GPHN: variants seen among roughly 807,000 people sequenced by gnomAD.
GPHN encodes gephyrin.
Under a neutral mutation model 95.5 loss-of-function variants are expected in GPHN, and 17 were observed. The observed-to-expected ratio is 0.18, with a 90% CI of 0.12 to 0.27. The LOEUF (loss-of-function observed/expected upper bound fraction) is 0.27, where lower values mean the gene tolerates loss of function less well. Among genes scored for constraint, GPHN ranks in the 10% least tolerant of loss-of-function variants. The pLI is 1.00. For missense variants in GPHN, 660 were observed against 978.1 expected, an observed-to-expected ratio of 0.67 and a Z score of 4.34; for synonymous variants, 320 against 322.5, an observed-to-expected ratio of 0.99 and a Z score of 0.08.
At chr14:67,361,640 C>T in the GPHN span, among the ~76,000 whole-genome samples, 27 of 152,310 alleles carry the variant, frequency 1.8e-4, 1 homozygote, top group Middle Eastern at 3.4e-3. Flanking sequence ...AGAAGTCCTA[C>T]CTACCATTTG....
downstream of GPHN, among the ~76,000 whole-genome samples, chr14:67,186,544 C>T (rs150400440): frequency 1.3e-5 from 2 of 152,296 alleles, no homozygotes; most frequent in Non-Finnish European, 2.9e-5. Flanking sequence ...TTAGGGGAAT[C>T]ACAGCTTAGA....
At chr14:66,677,367 A>G (rs920902876) in intron 1 of GPHN, among the ~76,000 whole-genome samples, 1 of 151,918 alleles carries the variant, frequency 6.6e-6, no homozygotes, top group African/African-American at 2.4e-5. Flanking sequence ...ATTAAGTGAA[A>G]TTGTTCAAAT....
At chr14:67,080,415 G>A (rs752745219) in intron 11 of GPHN, among the ~76,000 whole-genome samples, 1 of 151,842 alleles carries the variant, frequency 6.6e-6, no homozygotes, top group Non-Finnish European at 1.5e-5. Flanking sequence ...TCTGTTAGAT[G>A]TAGTCCCATT....
the GPHN span, chr14:67,360,296 G>A: frequency 2.5e-6 from 1 of 398,722 alleles, no homozygotes; most frequent in Non-Finnish European, 4.4e-6. Flanking sequence ...GCCTCTATTC[G>A]TTCAGCGCTT....
the GPHN span, chr14:67,382,667 T>G: frequency 6.5e-7 from 1 of 1,536,304 alleles, no homozygotes. Flanking sequence ...ATAAGAGCTG[T>G]CGGCCTTGGA....
chr14:66,615,180 A>G (rs1173910713), intron 1 of GPHN, among the ~76,000 whole-genome samples: 1 of 152,170 alleles, frequency 6.6e-6, no homozygotes, highest in East Asian at 1.9e-4. Flanking sequence ...ATACCTGTGC[A>G]TGTGTCTTTA....
chr14:67,291,068 CA>C, the GPHN span, among the ~76,000 whole-genome samples: 2 of 151,994 alleles, frequency 1.3e-5, no homozygotes, highest in African/African-American at 2.4e-5. Flanking sequence ...ACAGGAAAAG[CA>C]GGGGGGTCGG....
chr14:67,537,538 G>T, the GPHN span, among the ~76,000 whole-genome samples: 31 of 148,550 alleles, frequency 2.1e-4, no homozygotes, highest in Non-Finnish European at 3.7e-4. Context: ...AGTGGTGCAC[G>T]CCTGTAGTCC....
the GPHN span, among the ~76,000 whole-genome samples, chr14:67,282,137 G>A: frequency 6.6e-6 from 1 of 152,110 alleles, no homozygotes; most frequent in Non-Finnish European, 1.5e-5. Flanking sequence ...GTTTGCTATT[G>A]TCAGTCATAG....
the GPHN span, among the ~76,000 whole-genome samples, chr14:67,329,835 AAAATAAATAAATAAAT>A: frequency 3.7e-4 from 36 of 96,944 alleles, no homozygotes; most frequent in Admixed American, 1.8e-3. Flanking sequence ...CTTGGTCTCA[AAAATAAATAAATAAAT>A]AAATAAATAA....
chr14:67,465,553 G>T, the GPHN span, among the ~76,000 whole-genome samples: 3 of 152,194 alleles, frequency 2.0e-5, no homozygotes, highest in Admixed American at 2.0e-4. Flanking sequence ...TATATCTTGG[G>T]ATGCCTAAAT....
At chr14:67,415,278 T>C in the GPHN span, among the ~76,000 whole-genome samples, 68 of 152,294 alleles carry the variant, frequency 4.5e-4, no homozygotes, top group Non-Finnish European at 9.3e-4. Flanking sequence ...TTTTTTTAAC[T>C]TATAATAGCT....
intron 3 of GPHN, among the ~76,000 whole-genome samples, chr14:66,805,398 A>G (rs1035193968): frequency 2.0e-5 from 3 of 152,160 alleles, no homozygotes; most frequent in African/African-American, 4.8e-5. Context: ...CCCAAATCTC[A>G]TACCCTCACA....
chr14:67,279,421 C>A, the GPHN span: 4 of 1,613,904 alleles, frequency 2.5e-6, no homozygotes, highest in Admixed American at 6.7e-5. Flanking sequence ...CTTAATTCTT[C>A]CATGAGACTT....
At chr14:67,643,908 A>G in the GPHN span, among the ~76,000 whole-genome samples, 1 of 143,196 alleles carries the variant, frequency 7.0e-6, no homozygotes, top group Non-Finnish European at 1.5e-5. Flanking sequence ...AAACGGTCAC[A>G]CCCAGGTTCC....
intron 4 of GPHN, among the ~76,000 whole-genome samples, chr14:66,845,275 TA>T (rs1283402734): frequency 3.3e-5 from 5 of 152,152 alleles, no homozygotes; most frequent in Non-Finnish European, 7.4e-5. Context: ...GAAATTAAAT[TA>T]ATAGCAAAGA....
At chr14:67,359,777 TC>T in the GPHN span, 1 of 1,543,442 alleles carries the variant, frequency 6.5e-7, no homozygotes, top group Non-Finnish European at 8.9e-7. Flanking sequence ...CTCCACAGTG[TC>T]TTCCTCTACG....
chr14:66,816,862 G>C (rs1407838699), intron 3 of GPHN, among the ~76,000 whole-genome samples: 4 of 152,024 alleles, frequency 2.6e-5, no homozygotes, highest in African/African-American at 9.7e-5. Context: ...ATGAGTATAA[G>C]GCTCCAGATA....
chr14:66,713,961 G>T (rs1338269564), intron 2 of GPHN, among the ~76,000 whole-genome samples: 2 of 152,052 alleles, frequency 1.3e-5, no homozygotes, highest in East Asian at 3.9e-4. Context: ...TAGAGACAGG[G>T]TTTCACCATG....
Sources: gnomAD v4.1 joint callset for allele counts (sites outside exome capture counted in the v4.1 genomes callset) on GRCh38, gnomAD v4.1.1 for gene constraint, MANE v1.5 for transcripts, NCBI Gene and HGNC (gene_info 2026-07-23, HGNC 2026-07-21) for gene names.